The following ANG variants were observed in gnomAD, a reference collection of about 807,000 sequenced individuals.
ANG encodes Homo sapiens epididymis luminal protein 168.
For synonymous variants in ANG, 74 were observed against 73.8 expected, an observed-to-expected ratio of 1.00 and a Z score of -0.02; for missense variants, 178 against 187.4, an observed-to-expected ratio of 0.95 and a Z score of 0.29.
chr14:20,693,255 TGA>T (rs1259513816), intron 1 of ANG, among the ~76,000 whole-genome samples: 2 of 151,976 alleles, frequency 1.3e-5, no homozygotes, highest in East Asian at 3.9e-4. Flanking sequence ...AATTAAAGAG[TGA>T]GAGTGGATTT....
rs779304641 is a variant in ANG at position 20,693,608 on chromosome 14, G to T, written c.44G>T (p.Gly15Val). 1.9e-6 allele frequency: 3 copies of T among 1,613,804 alleles called. No individual in the cohort carries two copies. Among genetic ancestry groups the T allele is most frequent in the African/African-American group, 2.7e-5 (2 of 74,876 alleles). The change falls in exon 2 of 2, where the codon GGT (glycine) becomes GTT (valine). Residue 15 changes from glycine to valine, a missense_variant. Physicochemically the swap from Gly to Val is moderately radical, Grantham distance 109. Coordinates refer to ENST00000397990, the MANE Select transcript of ANG (RefSeq NM_001097577.3). Reference protein sequence around the residue: ...LGVLLLVFVLGLGLTPPTLAQ... With the variant: ...LGVLLLVFVLVLGLTPPTLAQ... ...GTTTTGTTGTTGGTCTTCGTGCTGGGTCTGGGTCTGACCCCACCGACCCTG... is the reference window on the plus strand; with the variant it reads ...GTTTTGTTGTTGGTCTTCGTGCTGGTTCTGGGTCTGACCCCACCGACCCTG...
intron 1 of ANG, among the ~76,000 whole-genome samples, chr14:20,691,025 T>C (rs1044414858): frequency 4.6e-5 from 7 of 152,252 alleles, no homozygotes; most frequent in African/African-American, 1.4e-4. Context: ...CACTTATATC[T>C]AATGAGGTGT....
At chr14:20,692,466 A>T (rs759592730) in intron 1 of ANG, among the ~76,000 whole-genome samples, 1 of 152,226 alleles carries the variant, frequency 6.6e-6, no homozygotes, top group Non-Finnish European at 1.5e-5. Flanking sequence ...AGGTCCCCAA[A>T]TCCCGGTCTG....
intron 1 of ANG, among the ~76,000 whole-genome samples, chr14:20,692,672 G>A (rs1326125140): frequency 6.6e-6 from 1 of 152,118 alleles, no homozygotes; most frequent in Non-Finnish European, 1.5e-5. Context: ...CCAATCCATA[G>A]AAATACTGTC....
chr14:20,693,465 C>T (rs568152175), intron 1 of ANG, 82 bp from the exon 2 acceptor site: 1 of 1,562,272 alleles, frequency 6.4e-7, no homozygotes, highest in Admixed American at 1.7e-5. Flanking sequence ...GATGCCGTGT[C>T]AGAGAGCAAA....
At position 20,693,644 on chromosome 14, in the gene ANG, A is replaced by G. The variant is rs1471974748; in HGVS notation, c.80A>G (p.Asn27Ser). 1.2e-6 allele frequency: 2 copies of G among 1,614,004 alleles called. No individual in the cohort carries two copies. Among genetic ancestry groups the G allele is most frequent in the South Asian group, 1.1e-5 (1 of 91,064 alleles). The change falls in exon 2 of 2, where the codon AAC (asparagine) becomes AGC (serine). Residue 27 changes from asparagine (N) to serine (S), a missense_variant. Transcript: ENST00000397990. ...ACCCCACCGACCCTGGCTCAGGATA[A>G]CTCCAGGTACACACACTTCCTGACC... ...GLTPPTLAQD[N>S]SRYTHFLTQH...
At chr14:20,691,676 A>T (rs1886758335) in intron 1 of ANG, among the ~76,000 whole-genome samples, 1 of 152,254 alleles carries the variant, frequency 6.6e-6, no homozygotes, top group Admixed American at 6.5e-5. Context: ...GACAAATTTG[A>T]TGCACTGCTG....
At chr14:20,693,147 G>C (rs1886886539) in intron 1 of ANG, among the ~76,000 whole-genome samples, 1 of 152,100 alleles carries the variant, frequency 6.6e-6, no homozygotes, top group Non-Finnish European at 1.5e-5. Flanking sequence ...GCGCCCGGCC[G>C]TCATTTGGTA....
At chr14:20,690,221 C>CAAAAAAAAAAAAAAAAAAAA (rs36091065) in intron 1 of ANG, among the ~76,000 whole-genome samples, 3 of 67,980 alleles carry the variant, frequency 4.4e-5, no homozygotes, top group African/African-American at 1.3e-4. Context: ...GACTCCGTCT[C>CAAAAAAAAAAAAAAAAAAAA]AAAAAAAAAA....
At chr14:20,689,895 G>T (rs1430856235) in intron 1 of ANG, among the ~76,000 whole-genome samples, 1 of 137,746 alleles carries the variant, frequency 7.3e-6, no homozygotes, top group African/African-American at 2.8e-5. Context: ...TAGCCTGGGC[G>T]ATAGAACAAG....
At chr14:20,686,412 G>C (rs1886429330), upstream of ANG, among the ~76,000 whole-genome samples, 1 of 152,204 alleles carries the variant, frequency 6.6e-6, no homozygotes, top group Non-Finnish European at 1.5e-5. Context: ...TGGTCACTGT[G>C]ACTCAAATTA....
chr14:20,694,048 G>A lies in ANG; in HGVS notation c.*40G>A. 6.2e-7 allele frequency: 1 copy of A among 1,611,404 alleles called. No individual in the cohort carries two copies. The highest frequency in any genetic ancestry group is 8.5e-7 in the Non-Finnish European group (1 of 1,177,584). ...GTCAAGTGCTGGCTCTGCTGTCCTT[G>A]CCTTCCATTTCCCCTCTGCACCCAG... is the stretch of plus-strand genomic sequence containing the variant. On this transcript the variant is annotated 3_prime_UTR_variant, in exon 2 of 2. Coordinates refer to ENST00000397990, the MANE Select transcript of ANG (RefSeq NM_001097577.3).
At chr14:20,689,915 CAA>C (rs58958050) in intron 1 of ANG, among the ~76,000 whole-genome samples, 23 of 121,518 alleles carry the variant, frequency 1.9e-4, no homozygotes, top group South Asian at 5.2e-4. Context: ...GACTCTGTCT[CAA>C]AAAAAAAAAA....
chr14:20,689,665 C>T (rs1292247701), intron 1 of ANG, among the ~76,000 whole-genome samples: 1 of 152,138 alleles, frequency 6.6e-6, no homozygotes, highest in Non-Finnish European at 1.5e-5. Context: ...ACCTGTAATC[C>T]CCGCACTTTG....
chr14:20,693,626 C>A lies in ANG; in HGVS notation c.62C>A (p.Pro21Gln), dbSNP rs773237991. The change falls in exon 2 of 2, where the codon CCG becomes CAG. Residue 21 changes from proline to glutamine, a missense_variant. Physicochemically the swap from Pro to Gln is moderately conservative, Grantham distance 76. Coordinates refer to ENST00000397990, the MANE Select transcript of ANG (RefSeq NM_001097577.3). ...VFVLGLGLTPPTLAQDNSRYT... is the reference protein window; with the variant it reads ...VFVLGLGLTPQTLAQDNSRYT... ...GTGCTGGGTCTGGGTCTGACCCCAC[C>A]GACCCTGGCTCAGGATAACTCCAGG... The A allele has an allele frequency of 6.1e-5, 99 of 1,613,898 alleles. 1 individual carries two copies. The East Asian group carries it at 2.2e-3, about 36-fold the overall frequency.
chr14:20,688,936 C>G (rs1334093767), intron 1 of ANG, 62 bp downstream of exon 1: 1 of 866,004 alleles, frequency 1.2e-6, no homozygotes, highest in Non-Finnish European at 1.4e-6. Context: ...TTTAATGAAA[C>G]CATTTTCCTC....
At position 20,694,151 on chromosome 14, in the gene ANG, G is replaced by A; in HGVS notation, c.*143G>A. 1.2e-6 allele frequency: 1 copy of A among 860,026 alleles called. No homozygotes were observed. Among genetic ancestry groups the A allele is most frequent in the Non-Finnish European group, 1.9e-6 (1 of 523,692 alleles). The allele number at this position is 860,026 out of a possible 1,614,324, so 53.3% of individuals were successfully genotyped here. A position where few individuals can be genotyped will look rare whatever the true frequency, so the allele number is the denominator to read the frequency against. ...CCTTTTGTTTTCTGTTTGACAACAT[G>A]TTTAATAAATAAAAATGTCTTGATA... On this transcript the variant is annotated 3_prime_UTR_variant, in exon 2 of 2. Coordinates refer to ENST00000397990, the MANE Select transcript of ANG (RefSeq NM_001097577.3).
intron 1 of ANG, 92 bp from the exon 2 acceptor site, chr14:20,693,455 G>C (rs76272661): frequency 6.6e-7 from 1 of 1,518,042 alleles, no homozygotes; most frequent in East Asian, 2.3e-5. Context: ...TCTGATTCAT[G>C]ATGCCGTGTC....
chr14:20,690,295 C>G (rs187607180), intron 1 of ANG, among the ~76,000 whole-genome samples: 1 of 149,016 alleles, frequency 6.7e-6, no homozygotes, highest in African/African-American at 2.5e-5. Context: ...ACTAATTCCA[C>G]TGACAAAAAG....
Sources: gnomAD v4.1 joint callset for allele counts (sites outside exome capture counted in the v4.1 genomes callset) on GRCh38, gnomAD v4.1.1 for gene constraint, MANE v1.5 for transcripts, NCBI Gene and HGNC (gene_info 2026-07-23, HGNC 2026-07-21) for gene names.